Variants in NAALADL2 observed in about 807,000 individuals in gnomAD.
NAALADL2 encodes the protein N-acetylated alpha-linked acidic dipeptidase like 2.
In NAALADL2, 76 loss-of-function variants were observed where a neutral mutation model predicts 87.2. The ratio of observed to expected loss-of-function variants is 0.87; its 90% CI spans 0.72 to 1.05. The LOEUF (loss-of-function observed/expected upper bound fraction) is 1.05. Among genes scored for constraint, NAALADL2 ranks in the 50% least tolerant of loss-of-function variants. The pLI, the probability that NAALADL2 is intolerant of heterozygous loss-of-function variation, is 0.00. For missense variants in NAALADL2, 1,089 were observed against 945.8 expected (o/e 1.15, Z -1.99); for synonymous variants, 354 against 331.0 (o/e 1.07, Z -0.75).
rs1398120655 is a variant in NAALADL2 at position 175,809,516 on chromosome 3, A to T, written c.*6313A>T. The T allele has an allele frequency of 1.1e-5, 1 of 91,414 alleles. No homozygotes were observed. Among genetic ancestry groups the T allele is most frequent in the Non-Finnish European group, 2.0e-5 (1 of 51,118 alleles). The allele number at this position is 91,414 out of a possible 1,614,324, so 5.7% of individuals were successfully genotyped here. ...AAGTGAGACCCTGTCTCTCTTAAAAAAAAAAAAAAAAAAAAAAAAAAAAGA... is the reference window on the plus strand; with the variant it reads ...AAGTGAGACCCTGTCTCTCTTAAAATAAAAAAAAAAAAAAAAAAAAAAAGA... On this transcript the variant is annotated 3_prime_UTR_variant, in exon 14 of 14. Transcript: ENST00000454872.
chr3:175,018,872 A>G lies in NAALADL2; in HGVS notation c.44-77918A>G, dbSNP rs183888479. On this transcript the variant is annotated intron_variant, in intron 1 of 13. Coordinates refer to ENST00000454872, the MANE Select transcript of NAALADL2 (RefSeq NM_207015.3). ...TTAGCTTTACTGTGACATAGAAAAA[A>G]CAGCATAAAGGCTGACCACTAAAAC... 2.8e-4 allele frequency among the ~76,000 whole-genome samples: 42 copies of G among 152,144 alleles called. 1 individual carries two copies. The highest frequency in any genetic ancestry group is 1.3e-4 in the Non-Finnish European group (9 of 67,980).
intron 13 of NAALADL2, among the ~76,000 whole-genome samples, chr3:175,763,075 C>A (rs2150153980): frequency 7.3e-6 from 1 of 136,064 alleles, no homozygotes; most frequent in Non-Finnish European, 1.6e-5. Flanking sequence ...CACAGCAAGA[C>A]TCTGACTCAA....
chr3:174,441,570 T>A (rs570082179), intron 1 of NAALADL2, among the ~76,000 whole-genome samples: 2 of 152,160 alleles, frequency 1.3e-5, no homozygotes, highest in African/African-American at 4.8e-5. Context: ...CCAGGATGGC[T>A]TTCTTAAGGA....
At chr3:174,460,592 C>CT (rs1024235239) in intron 1 of NAALADL2, among the ~76,000 whole-genome samples, 7 of 150,218 alleles carry the variant, frequency 4.7e-5, no homozygotes, top group Non-Finnish European at 5.9e-5. Context: ...CTTCTTTTTT[C>CT]TTTTTTTTTC....
intron 2 of NAALADL2, among the ~76,000 whole-genome samples, chr3:175,118,589 A>T (rs185150258): frequency 2.1e-4 from 32 of 151,880 alleles, no homozygotes; most frequent in Non-Finnish European, 4.1e-4. Context: ...CACACAAGAG[A>T]ACAATAACTT....
intron 2 of NAALADL2, among the ~76,000 whole-genome samples, chr3:174,633,114 G>T (rs959105310): frequency 6.6e-6 from 1 of 151,788 alleles, no homozygotes; most frequent in Non-Finnish European, 1.5e-5. Flanking sequence ...TGACTGAGTT[G>T]ATACTACCAG....
At chr3:174,460,768 C>G (rs894285427) in intron 1 of NAALADL2, among the ~76,000 whole-genome samples, 1 of 152,004 alleles carries the variant, frequency 6.6e-6, no homozygotes, top group African/African-American at 2.4e-5. Context: ...TTGTTGAACA[C>G]TTGTTTGCAA....
chr3:174,503,245 C>G (rs940662296), intron 1 of NAALADL2, among the ~76,000 whole-genome samples: 5 of 152,066 alleles, frequency 3.3e-5, no homozygotes, highest in African/African-American at 1.2e-4. Flanking sequence ...TGCCTGAGTA[C>G]TCTAATGTAG....
intron 2 of NAALADL2, among the ~76,000 whole-genome samples, chr3:174,638,708 C>G (rs1002896072): frequency 3.9e-5 from 6 of 152,126 alleles, no homozygotes; most frequent in African/African-American, 1.4e-4. Context: ...TTTTTGCATG[C>G]TGCATATTAA....
chr3:175,068,978 G>C (rs73883334), intron 1 of NAALADL2, among the ~76,000 whole-genome samples: 13,426 of 151,882 alleles, frequency 0.088, 1,299 homozygotes, highest in African/African-American at 0.24. Flanking sequence ...GGAGGAGAGA[G>C]TTCCAAAAAC....
chr3:175,541,288 T>C (rs922319028), intron 9 of NAALADL2, among the ~76,000 whole-genome samples: 1 of 152,184 alleles, frequency 6.6e-6, no homozygotes, highest in African/African-American at 2.4e-5. Context: ...GTTCCTCAAT[T>C]TATGATGGAG....
chr3:175,206,797 C>T (rs1196385837), intron 2 of NAALADL2, among the ~76,000 whole-genome samples: 1 of 152,142 alleles, frequency 6.6e-6, no homozygotes. Context: ...GCCACTGACA[C>T]TTTTTCTGGC....
chr3:174,788,455 A>C (rs1320165579), intron 3 of NAALADL2, among the ~76,000 whole-genome samples: 1 of 152,200 alleles, frequency 6.6e-6, no homozygotes, highest in East Asian at 1.9e-4. Context: ...TCCAGGGGTC[A>C]ACCAGTTTGG....
chr3:175,332,185 A>G (rs901876454), intron 5 of NAALADL2, among the ~76,000 whole-genome samples: 3 of 152,294 alleles, frequency 2.0e-5, no homozygotes, highest in Middle Eastern at 6.8e-3. Context: ...TGCAATCCCT[A>G]TCAATGTCAT....
At chr3:175,169,601 A>T (rs1187873093) in intron 2 of NAALADL2, among the ~76,000 whole-genome samples, 1 of 151,582 alleles carries the variant, frequency 6.6e-6, no homozygotes, top group Non-Finnish European at 1.5e-5. Flanking sequence ...CTCATTTTGT[A>T]GTTCTTTTTT....
intron 2 of NAALADL2, among the ~76,000 whole-genome samples, chr3:174,712,308 C>T (rs1489597643): frequency 6.6e-6 from 1 of 150,936 alleles, no homozygotes; most frequent in Admixed American, 6.6e-5. Flanking sequence ...TTAACGTATC[C>T]TAATGCTATG....
rs1358583504 is a variant in NAALADL2, at chr3:175,029,479, A to C, written c.44-67311A>C. Reference sequence around the variant, plus strand: ...CTCTCTGATCCATCAGAGGGCTTACAAGTAAAAGAAAAAGGAAGATAATTG... The same window carrying C: ...CTCTCTGATCCATCAGAGGGCTTACCAGTAAAAGAAAAAGGAAGATAATTG... On this transcript the variant is annotated intron_variant, in intron 1 of 13. Coordinates refer to ENST00000454872, the MANE Select transcript of NAALADL2 (RefSeq NM_207015.3). Among the ~76,000 whole-genome samples the C allele has an allele frequency of 2.0e-5, 3 of 152,056 alleles. No homozygotes were observed. In the East Asian group the frequency reaches 5.8e-4, roughly 29 times the overall value.
intron 5 of NAALADL2, among the ~76,000 whole-genome samples, chr3:175,430,293 A>G (rs1433757000): frequency 6.6e-6 from 1 of 151,946 alleles, no homozygotes; most frequent in Non-Finnish European, 1.5e-5. Context: ...TTATATACGC[A>G]TATGTGTATA....
chr3:174,554,521 C>T (rs1181418053), intron 2 of NAALADL2, among the ~76,000 whole-genome samples: 1 of 151,436 alleles, frequency 6.6e-6, no homozygotes, highest in Non-Finnish European at 1.5e-5. Context: ...TTCTTCTTTC[C>T]CACCTTTTAA....
Sources: gnomAD v4.1 joint callset for allele counts (sites outside exome capture counted in the v4.1 genomes callset) on GRCh38, gnomAD v4.1.1 for gene constraint, MANE v1.5 for transcripts, NCBI Gene and HGNC (gene_info 2026-07-23, HGNC 2026-07-21) for gene names.